SLC24A4: variants seen among roughly 807,000 people sequenced by gnomAD.
SLC24A4 encodes sodium/potassium/calcium exchanger 4.
Under a neutral mutation model 79.0 loss-of-function variants are expected in SLC24A4, and 53 were observed. The observed-to-expected ratio is 0.67, with a 90% CI of 0.54 to 0.84. The LOEUF is 0.84. Among genes scored for constraint, SLC24A4 ranks in the 40% least tolerant of loss-of-function variants. The pLI, the probability that SLC24A4 is intolerant of heterozygous loss-of-function variation, is 0.00. For synonymous variants in SLC24A4, 323 were observed against 323.8 expected (o/e 1.00, Z 0.03); for missense variants, 731 against 822.0 (o/e 0.89, Z 1.35).
At chr14:92,442,226 C>G in intron 5 of SLC24A4, 53 bp downstream of exon 5, 1 of 1,465,980 alleles carries the variant, frequency 6.8e-7, no homozygotes, top group Non-Finnish European at 9.5e-7. Context: ...CCATTTGGTG[C>G]CCAGAGCAGT....
chr14:92,450,838 TC>T (rs1171217661), intron 10 of SLC24A4: 2 of 152,658 alleles, frequency 1.3e-5, no homozygotes, highest in Non-Finnish European at 2.9e-5. Context: ...CCAGGAGACC[TC>T]CCAGGACCCT....
In SLC24A4 at chr14:92,353,909, A is replaced by T. The variant is rs1383000098; in HGVS notation, c.241+27931A>T. ...TGCCGCCATCCCAAGTGAGCTTCCCACACGGCCGGCCCAGAGAGCAGGAGA... is the reference window on the plus strand; with the variant it reads ...TGCCGCCATCCCAAGTGAGCTTCCCTCACGGCCGGCCCAGAGAGCAGGAGA... On this transcript the variant is annotated intron_variant, in intron 2 of 16. Coordinates refer to ENST00000532405, the MANE Select transcript of SLC24A4 (RefSeq NM_153646.4). This position sits in a 1 kb window ranked among gnomAD's most constrained non-coding sequence, Gnocchi z 4.1. Among the ~76,000 whole-genome samples, 1 of 152,186 alleles carries T rather than the reference A, an allele frequency of 6.6e-6. No individual in the cohort carries two copies. Among genetic ancestry groups the T allele is most frequent in the Non-Finnish European group, 1.5e-5 (1 of 68,014 alleles).
intron 5 of SLC24A4, among the ~76,000 whole-genome samples, 175 bp downstream of exon 5, chr14:92,442,348 GAGGGGTGATAAAAATGTTCTTTTTA>G (rs1310612855): frequency 6.6e-6 from 1 of 152,206 alleles, no homozygotes; most frequent in Admixed American, 6.5e-5. Flanking sequence ...GTAGGGTGCT[GAGGGGTGATAAAAATGTTCTTTTTA>G]AGGTGATAAA....
intron 2 of SLC24A4, among the ~76,000 whole-genome samples, chr14:92,420,373 G>A (rs1353136364): frequency 4.6e-5 from 7 of 152,082 alleles, no homozygotes; most frequent in Admixed American, 3.3e-4. Flanking sequence ...CCAGCTACTC[G>A]GCAGGTTGAG....
chr14:92,443,332 G>T, intron 6 of SLC24A4, 68 bp from the exon 7 acceptor site: 1 of 1,486,360 alleles, frequency 6.7e-7, no homozygotes. Context: ...GGGGGAGGAG[G>T]CCTGGGCAGC....
At chr14:92,489,060 G>T (rs1247377313) in intron 14 of SLC24A4, among the ~76,000 whole-genome samples, 1 of 152,184 alleles carries the variant, frequency 6.6e-6, no homozygotes, top group Admixed American at 6.5e-5. Flanking sequence ...AACTGAGGAA[G>T]GGTGAGGCCA....
Position 92,453,928 on chromosome 14 carries a change from C to A in SLC24A4, c.909C>A (p.Asn303Lys). Residue 303 changes from asparagine to lysine, a missense_variant, in exon 11 of 17, where the codon AAC becomes AAA. Asn to Lys is a moderately conservative substitution (Grantham distance 94). Transcript: ENST00000532405. ...QVKEKPQYGK[N>K]PVVMVDEIMS... ...AGGAGAAGCCACAGTATGGCAAGAACCCCGTGGTGATGGTGGACGAGATTA... is the reference window on the plus strand; with the variant it reads ...AGGAGAAGCCACAGTATGGCAAGAAACCCGTGGTGATGGTGGACGAGATTA... 2 of 1,613,064 alleles carry A rather than the reference C, an allele frequency of 1.2e-6. No individual in the cohort carries two copies. Among genetic ancestry groups the A allele is most frequent in the Non-Finnish European group, 8.5e-7 (1 of 1,179,590 alleles).
intron 2 of SLC24A4, among the ~76,000 whole-genome samples, chr14:92,372,239 G>C (rs1888208902): frequency 6.6e-6 from 1 of 152,186 alleles, no homozygotes; most frequent in Non-Finnish European, 1.5e-5. Context: ...CCCAGCCCCT[G>C]GGACCTGGGT....
At chr14:92,395,430 A>ACACACACACACACACACAC (rs1175371282) in intron 2 of SLC24A4, among the ~76,000 whole-genome samples, 1 of 86,848 alleles carries the variant, frequency 1.2e-5, no homozygotes, top group Admixed American at 1.1e-4. Flanking sequence ...AAAACAAAAC[A>ACACACACACACACACACAC]AAACACACAC....
intron 7 of SLC24A4, 28 bp downstream of exon 7, chr14:92,443,502 A>G: frequency 6.2e-7 from 1 of 1,612,938 alleles, no homozygotes; most frequent in East Asian, 2.2e-5. Flanking sequence ...CCCCAAGGTC[A>G]GGTTGGCTGG....
chr14:92,421,073 A>G (rs116846022), intron 2 of SLC24A4, among the ~76,000 whole-genome samples: 2,491 of 152,248 alleles, frequency 0.016, 44 homozygotes, highest in Non-Finnish European at 0.025. Flanking sequence ...AATTTCCTCC[A>G]GGGGAGGCAC....
At chr14:92,369,474 C>CT (rs1374446278) in intron 2 of SLC24A4, among the ~76,000 whole-genome samples, 1 of 152,080 alleles carries the variant, frequency 6.6e-6, no homozygotes, top group Non-Finnish European at 1.5e-5. Flanking sequence ...TGGATCGACT[C>CT]TAGAAGAAAG....
At chr14:92,343,480 C>G (rs757429243) in intron 2 of SLC24A4, among the ~76,000 whole-genome samples, 144 of 152,222 alleles carry the variant, frequency 9.5e-4, no homozygotes, top group Non-Finnish European at 1.9e-3. Flanking sequence ...CAGCCAGCTT[C>G]TCTCTGCCTC....
chr14:92,500,198 A>G lies in SLC24A4; in HGVS notation c.*6570A>G, dbSNP rs1447656443. ...CTTGTCCACGGGCCAGGCCAATAAA[A>G]TTCTTAATCCTGCAGAGAGTCAGTA... On this transcript the variant is annotated 3_prime_UTR_variant, in exon 17 of 17. Transcript: ENST00000532405. 1 of 152,200 alleles carries G rather than the reference A, an allele frequency of 6.6e-6. No homozygotes were observed. The highest frequency in any genetic ancestry group is 1.5e-5 in the Non-Finnish European group (1 of 68,036). 9.4% of individuals were successfully genotyped at this position (152,200 alleles called of 1,614,324 possible). A position where few individuals can be genotyped will look rare whatever the true frequency, so the allele number is the denominator to read the frequency against.
intron 16 of SLC24A4, 88 bp downstream of exon 16, chr14:92,492,328 C>T (rs1366132722): frequency 2.4e-6 from 3 of 1,230,606 alleles, no homozygotes; most frequent in East Asian, 2.3e-5. Context: ...TCTGTACACC[C>T]CTGTCACTTC....
chr14:92,449,281 TAC>T (rs36228701), intron 10 of SLC24A4, 65 bp downstream of exon 10: 66,626 of 859,568 alleles, frequency 0.078, 1,451 homozygotes, highest in African/African-American at 0.18. Context: ...CTCTTTTGTG[TAC>T]ACACACACAC....
In SLC24A4 at chr14:92,447,384, G is replaced by C; in HGVS notation, c.697G>C (p.Val233Leu). ...TCTCTCTTTGAGGTGGGAAGGCCTGGTGCTCATCATCTTGTATGTGTTTTA... is the reference window on the plus strand; with the variant it reads ...TCTCTCTTTGAGGTGGGAAGGCCTGCTGCTCATCATCTTGTATGTGTTTTA... ...DEQIVWWEGL[V>L]LIILYVFYIL... Residue 233 changes from valine to leucine, a missense_variant, in exon 9 of 17, where the codon GTG becomes CTG. Physicochemically the swap from Val to Leu is conservative, Grantham distance 32 (BLOSUM62 1). Transcript: ENST00000532405. The C allele has an allele frequency of 6.2e-7, 1 of 1,614,128 alleles. No individual in the cohort carries two copies.
rs768433919 is a variant in SLC24A4, at chr14:92,493,562, C to T, written c.1803C>T (p.Phe601=). 22 of 1,614,238 alleles carry T rather than the reference C, an allele frequency of 1.4e-5. No homozygotes were observed. In the South Asian group the frequency reaches 2.3e-4, roughly 17 times the overall value. ...TTCTCTACGCCATCTTCTTGTGCTTCTCCATAATGATAGAGTTTAACGTCT... is the reference window on the plus strand; with the variant it reads ...TTCTCTACGCCATCTTCTTGTGCTTTTCCATAATGATAGAGTTTAACGTCT... ...VLVLYAIFLC[F]SIMIEFNVFT... The change falls in exon 17 of 17, where the codon TTC becomes TTT. Residue 601 remains phenylalanine (F), a synonymous_variant. Coordinates refer to ENST00000532405, the MANE Select transcript of SLC24A4 (RefSeq NM_153646.4).
chr14:92,449,317 CACACA>C lies in SLC24A4; in HGVS notation c.880+102_880+106del, dbSNP rs1255898953. The C allele has an allele frequency of 9.6e-4, 1,268 of 1,315,822 alleles. 5 individuals carry two copies. The highest frequency in any genetic ancestry group is 1.6e-3 in the Middle Eastern group (7 of 4,472). 81.5% of individuals were successfully genotyped at this position (1,315,822 alleles called of 1,614,324 possible). A position where few individuals can be genotyped will look rare whatever the true frequency, so the allele number is the denominator to read the frequency against. The stretch of plus-strand genomic sequence containing the variant: ...ACACACACACACACACACACACACA[CACACA>C]CCCTCTCACAATGTCCCCCCTCTAA... On this transcript the variant is annotated intron_variant, in intron 10 of 16. Coordinates refer to ENST00000532405, the MANE Select transcript of SLC24A4 (RefSeq NM_153646.4).
Sources: gnomAD v4.1 joint callset for allele counts (sites outside exome capture counted in the v4.1 genomes callset) on GRCh38, gnomAD v4.1.1 for gene constraint, Gnocchi (gnomAD v3.1) non-coding constraint, MANE v1.5 for transcripts, NCBI Gene and HGNC (gene_info 2026-07-23, HGNC 2026-07-21) for gene names.